The following GALNT18 variants were observed in gnomAD, a reference collection of about 807,000 sequenced individuals.
The protein encoded by GALNT18 is GalNAc-transferase 18.
Under a neutral mutation model 69.5 loss-of-function variants are expected in GALNT18, and 44 were observed. The ratio of observed to expected loss-of-function variants is 0.63; its 90% CI spans 0.50 to 0.81. The LOEUF (loss-of-function observed/expected upper bound fraction) is 0.81, where lower values mean the gene tolerates loss of function less well. Ranked by LOEUF, GALNT18 falls within the 40% of genes least tolerant of loss-of-function variation. The pLI is 0.00. For synonymous variants in GALNT18, 364 were observed against 318.2 expected, an observed-to-expected ratio of 1.14 and a Z score of -1.53; for missense variants, 715 against 810.0, an observed-to-expected ratio of 0.88 and a Z score of 1.42.
chr11:11,549,283 A>C (rs1159297931), intron 1 of GALNT18, among the ~76,000 whole-genome samples: 2 of 152,220 alleles, frequency 1.3e-5, no homozygotes, highest in Non-Finnish European at 2.9e-5. Flanking sequence ...CAGACTGCTT[A>C]ACTCCAGCCT....
chr11:11,341,326 T>C lies in GALNT18; in HGVS notation c.1093-322A>G, dbSNP rs375770025. Among the ~76,000 whole-genome samples, 5 of 152,202 alleles carry C rather than the reference T, an allele frequency of 3.3e-5. No individual in the cohort carries two copies. Among genetic ancestry groups the C allele is most frequent in the African/African-American group, 1.2e-4 (5 of 41,458 alleles). ...CATTTTGTTCCAAAGATCTGAATTC[T>C]CCTTGCACTTGGGGGAGAAGTTAAC... On this transcript the variant is annotated intron_variant, in intron 6 of 10. Transcript: ENST00000227756. This position sits in a 1 kb window ranked among gnomAD's most constrained non-coding sequence, Gnocchi z 6.3.
At chr11:11,287,631 CT>C (rs1422947374) in intron 10 of GALNT18, among the ~76,000 whole-genome samples, 4 of 152,194 alleles carry the variant, frequency 2.6e-5, no homozygotes, top group African/African-American at 9.7e-5. Context: ...AAGACATATA[CT>C]TAATGCATAT....
chr11:11,562,622 C>A lies in GALNT18; in HGVS notation c.235+58737G>T, dbSNP rs577722530. 6.6e-6 allele frequency among the ~76,000 whole-genome samples: 1 copy of A among 152,246 alleles called. No homozygotes were observed. The highest frequency in any genetic ancestry group is 2.4e-5 in the African/African-American group (1 of 41,538). On this transcript the variant is annotated intron_variant, in intron 1 of 10. Transcript: ENST00000227756. The surrounding 1 kb of genome is among the most constrained non-coding windows in gnomAD (Gnocchi z 4.1). ...ACCCCAGCAACCCCATGGCACAGCA[C>A]AATTTCAAGGCCCCACATGGACGTC...
At chr11:11,551,942 T>C (rs908409637) in intron 1 of GALNT18, among the ~76,000 whole-genome samples, 4 of 152,046 alleles carry the variant, frequency 2.6e-5, no homozygotes, top group African/African-American at 7.2e-5. Context: ...GTGGGGGAGA[T>C]TACAAAGTAC....
At chr11:11,466,165 A>C (rs1198840779) in intron 1 of GALNT18, among the ~76,000 whole-genome samples, 1 of 152,234 alleles carries the variant, frequency 6.6e-6, no homozygotes, top group Non-Finnish European at 1.5e-5. Flanking sequence ...TTCTATTAAG[A>C]AGGAATGCTG....
rs1859745147 is a variant in GALNT18, at chr11:11,605,987, A to G, written c.235+15372T>C. On this transcript the variant is annotated intron_variant, in intron 1 of 10. Coordinates refer to ENST00000227756, the MANE Select transcript of GALNT18 (RefSeq NM_198516.3). This position sits in a 1 kb window ranked among gnomAD's most constrained non-coding sequence, Gnocchi z 4.7. ...ACAGTAATGTCAGCTGTGAGGGGCT[A>G]TGAGAGAGACCCCAGAAGCATGAGC... Among the ~76,000 whole-genome samples the G allele has an allele frequency of 6.6e-6, 1 of 152,172 alleles. No homozygotes were observed. The highest frequency in any genetic ancestry group is 3.2e-3 in the Middle Eastern group (1 of 316).
rs1590102858 is a variant in GALNT18, at chr11:11,563,665, A to C, written c.235+57694T>G. 6.6e-6 allele frequency among the ~76,000 whole-genome samples: 1 copy of C among 152,190 alleles called. No individual in the cohort carries two copies. Among genetic ancestry groups the C allele is most frequent in the Non-Finnish European group, 1.5e-5 (1 of 68,038 alleles). On this transcript the variant is annotated intron_variant, in intron 1 of 10. Coordinates refer to ENST00000227756, the MANE Select transcript of GALNT18 (RefSeq NM_198516.3). The surrounding 1 kb of genome is among the most constrained non-coding windows in gnomAD (Gnocchi z 4.6). ...GCTTGTGGTTGCTGGTGGGGGCCCC[A>C]CAGCCGGCAAGTGGGATTCAAACCC...
chr11:11,524,225 GC>G (rs1242023409), intron 1 of GALNT18, among the ~76,000 whole-genome samples: 2 of 152,118 alleles, frequency 1.3e-5, no homozygotes, highest in African/African-American at 4.8e-5. Context: ...ATGCTAGGTG[GC>G]CCAAAATGAC....
intron 6 of GALNT18, among the ~76,000 whole-genome samples, chr11:11,371,736 T>C (rs922944393): frequency 6.6e-6 from 1 of 152,150 alleles, no homozygotes; most frequent in African/African-American, 2.4e-5. Flanking sequence ...GATCCTTTGT[T>C]GTATCCATCA....
chr11:11,538,949 C>T lies in GALNT18; in HGVS notation c.235+82410G>A, dbSNP rs1201362404. On this transcript the variant is annotated intron_variant, in intron 1 of 10. Coordinates refer to ENST00000227756, the MANE Select transcript of GALNT18 (RefSeq NM_198516.3). This position sits in a 1 kb window ranked among gnomAD's most constrained non-coding sequence, Gnocchi z 5.2. ...CCCCAGATCCCTGGGTGCCGTGGGC[C>T]TCCCTTTTCACTCAGTCCCAGGATG... Among the ~76,000 whole-genome samples, 8 of 152,162 alleles carry T rather than the reference C, an allele frequency of 5.3e-5. No homozygotes were observed. The East Asian group carries it at 1.4e-3, about 26-fold the overall frequency.
rs144007499 is a variant in GALNT18 at position 11,523,251 on chromosome 11, T to C, written c.236-74315A>G. ...AACTGCAATCAGAATAGGTCCTGCA[T>C]GCCCTCCAAGTACAGCATCTCTTTT... On this transcript the variant is annotated intron_variant, in intron 1 of 10. Transcript: ENST00000227756. This position sits in a 1 kb window ranked among gnomAD's most constrained non-coding sequence, Gnocchi z 4.3. Among the ~76,000 whole-genome samples the C allele has an allele frequency of 1.4e-4, 21 of 152,286 alleles. No homozygotes were observed. Among genetic ancestry groups the C allele is most frequent in the Middle Eastern group, 3.4e-3 (1 of 294 alleles).
intron 3 of GALNT18, among the ~76,000 whole-genome samples, chr11:11,403,391 C>G (rs1184114735): frequency 6.6e-6 from 1 of 152,208 alleles, no homozygotes; most frequent in Non-Finnish European, 1.5e-5. Context: ...ACTCTGCAGT[C>G]ACATCCACCC....
At chr11:11,354,311 G>A (rs1850481558) in intron 6 of GALNT18, among the ~76,000 whole-genome samples, 1 of 152,138 alleles carries the variant, frequency 6.6e-6, no homozygotes, top group Admixed American at 6.5e-5. Flanking sequence ...GCAAACTAAG[G>A]TTCAGGGTCA....
At position 11,591,269 on chromosome 11, in the gene GALNT18, A is replaced by G. The variant is rs1345318452; in HGVS notation, c.235+30090T>C. 1.3e-5 allele frequency among the ~76,000 whole-genome samples: 2 copies of G among 152,154 alleles called. No individual in the cohort carries two copies. The highest frequency in any genetic ancestry group is 6.5e-5 in the Admixed American group (1 of 15,276). On this transcript the variant is annotated intron_variant, in intron 1 of 10. Coordinates refer to ENST00000227756, the MANE Select transcript of GALNT18 (RefSeq NM_198516.3). This position sits in a 1 kb window ranked among gnomAD's most constrained non-coding sequence, Gnocchi z 4.8. ...ACACATACACACATTATTAGGCAAT[A>G]TTATCGTTGTGCAAACTTTATGAAG...
intron 10 of GALNT18, among the ~76,000 whole-genome samples, chr11:11,280,558 C>T (rs546656114): frequency 1.7e-4 from 26 of 152,288 alleles, no homozygotes; most frequent in Admixed American, 5.9e-4. Flanking sequence ...CCTTCCCTTC[C>T]GGCAGGAGAG....
At chr11:11,419,596 C>CAAAAAAAAAA (rs58012512) in intron 3 of GALNT18, among the ~76,000 whole-genome samples, 7 of 26,626 alleles carry the variant, frequency 2.6e-4, no homozygotes, top group African/African-American at 6.9e-4. Flanking sequence ...GATCCTGTCT[C>CAAAAAAAAAA]AAAAAAAAAA....
chr11:11,473,417 C>G (rs886926749), intron 1 of GALNT18, among the ~76,000 whole-genome samples: 1 of 152,200 alleles, frequency 6.6e-6, no homozygotes, highest in Non-Finnish European at 1.5e-5. Flanking sequence ...AATGGAGAAT[C>G]TGCATTTCAA....
intron 1 of GALNT18, among the ~76,000 whole-genome samples, chr11:11,517,531 T>C (rs1857308130): frequency 6.6e-6 from 1 of 152,232 alleles, no homozygotes; most frequent in Non-Finnish European, 1.5e-5. Context: ...ATATTTGTGG[T>C]GTGTTAGTTA....
chr11:11,473,300 A>G (rs1404837403), intron 1 of GALNT18, among the ~76,000 whole-genome samples: 1 of 152,236 alleles, frequency 6.6e-6, no homozygotes. Flanking sequence ...TTTATTGAGC[A>G]ATCAAATGAA....
Sources: allele counts gnomAD v4.1 joint callset (sites outside exome capture counted in the v4.1 genomes callset), GRCh38; gene constraint gnomAD v4.1.1; non-coding constraint Gnocchi (gnomAD v3.1); transcripts MANE v1.5; gene names NCBI Gene and HGNC (gene_info 2026-07-23, HGNC 2026-07-21).